CDH12: variants seen among roughly 807,000 people sequenced by gnomAD.
CDH12 encodes the protein cadherin-12.
Under a neutral mutation model 74.1 loss-of-function variants are expected in CDH12, and 41 were observed. That is an observed-to-expected ratio of 0.55 (90% confidence interval 0.43 to 0.72). The LOEUF (loss-of-function observed/expected upper bound fraction) is 0.72. Among genes scored for constraint, CDH12 ranks in the 30% least tolerant of loss-of-function variants. The pLI, the probability that CDH12 is intolerant of heterozygous loss-of-function variation, is 0.00. For synonymous variants in CDH12, 399 were observed against 355.0 expected, an observed-to-expected ratio of 1.12 and a Z score of -1.39; for missense variants, 945 against 977.2, an observed-to-expected ratio of 0.97 and a Z score of 0.44.
chr5:21,881,988 A>G (rs1286001371), intron 6 of CDH12, among the ~76,000 whole-genome samples: 1 of 152,236 alleles, frequency 6.6e-6, no homozygotes, highest in Non-Finnish European at 1.5e-5. Flanking sequence ...TTTATGATGT[A>G]TTGATTGGAA....
chr5:22,838,736 A>G lies in CDH12; in HGVS notation c.-523+14322T>C, dbSNP rs182161278. Among the ~76,000 whole-genome samples, 95 of 151,194 alleles carry G rather than the reference A, an allele frequency of 6.3e-4. 1 individual carries two copies. In the East Asian group the frequency reaches 0.015, roughly 23 times the overall value. ...TGTTGTCAGGTTGGAGTGCAGTGGC[A>G]TGATCTTGGCTCACTACAACCTCTG... On this transcript the variant is annotated intron_variant, in intron 1 of 14. Coordinates refer to ENST00000382254, the MANE Select transcript of CDH12 (RefSeq NM_004061.5).
intron 5 of CDH12, among the ~76,000 whole-genome samples, chr5:21,982,154 G>A (rs535729828): frequency 3.3e-5 from 5 of 152,162 alleles, no homozygotes; most frequent in Non-Finnish European, 7.4e-5. Flanking sequence ...AATGTGGATG[G>A]GCCTCATTCA....
At chr5:22,274,174 G>A (rs1736522409) in intron 3 of CDH12, among the ~76,000 whole-genome samples, 1 of 151,820 alleles carries the variant, frequency 6.6e-6, no homozygotes, top group East Asian at 1.9e-4. Context: ...AATATTCTAA[G>A]TATTGTGCCA....
chr5:22,153,913 TACACACACACACACAAAC>T (rs1747818132), intron 4 of CDH12, among the ~76,000 whole-genome samples: 6 of 130,304 alleles, frequency 4.6e-5, no homozygotes, highest in Non-Finnish European at 6.4e-5. Flanking sequence ...TACACACACA[TACACACACACACACAAAC>T]ATATATATGT....
intron 2 of CDH12, among the ~76,000 whole-genome samples, chr5:22,423,206 T>A (rs1206392935): frequency 4.4e-4 from 54 of 121,352 alleles, no homozygotes; most frequent in Non-Finnish European, 6.5e-4. Flanking sequence ...GTAAACACAG[T>A]AAAAAAAAAA....
intron 4 of CDH12, chr5:22,142,662 C>A: frequency 2.7e-6 from 1 of 373,818 alleles, no homozygotes; most frequent in Non-Finnish European, 5.1e-6. Context: ...TGGATGCAAT[C>A]ATAACAAAAT....
At chr5:22,467,977 T>C (rs1323326301) in intron 2 of CDH12, among the ~76,000 whole-genome samples, 3 of 152,238 alleles carry the variant, frequency 2.0e-5, no homozygotes, top group African/African-American at 7.2e-5. Context: ...TCTGATGTTC[T>C]GGGCCTCCAA....
intron 1 of CDH12, among the ~76,000 whole-genome samples, chr5:22,761,760 T>C (rs1272357383): frequency 6.6e-6 from 1 of 152,190 alleles, no homozygotes; most frequent in Non-Finnish European, 1.5e-5. Context: ...ATTATTTCTA[T>C]TGTTAAATTT....
intron 1 of CDH12, among the ~76,000 whole-genome samples, chr5:22,656,103 A>G (rs1318249839): frequency 6.6e-6 from 1 of 152,126 alleles, no homozygotes; most frequent in Non-Finnish European, 1.5e-5. Flanking sequence ...GGATTTGTAT[A>G]TATATGTGAT....
chr5:21,801,922 A>G (rs368983095), intron 10 of CDH12, among the ~76,000 whole-genome samples: 6 of 152,304 alleles, frequency 3.9e-5, no homozygotes, highest in Non-Finnish European at 1.5e-5. Flanking sequence ...CTTGAGTGAC[A>G]TGAGAATCAG....
intron 3 of CDH12, among the ~76,000 whole-genome samples, chr5:22,288,742 AT>A (rs1172194957): frequency 6.6e-6 from 1 of 152,146 alleles, no homozygotes; most frequent in African/African-American, 2.4e-5. Context: ...GACAGTAGTC[AT>A]TTTTTCCTGA....
intron 8 of CDH12, among the ~76,000 whole-genome samples, chr5:21,820,794 C>A (rs934574605): frequency 6.6e-6 from 1 of 151,932 alleles, no homozygotes; most frequent in African/African-American, 2.4e-5. Context: ...TTCAGCTATG[C>A]CAAAGTTGGA....
chr5:22,594,899 A>G (rs1736525460), intron 1 of CDH12, among the ~76,000 whole-genome samples: 1 of 152,178 alleles, frequency 6.6e-6, no homozygotes, highest in African/African-American at 2.4e-5. Context: ...TCCTTCAATT[A>G]GTGATTCATA....
chr5:22,369,084 G>T (rs1274484479), intron 3 of CDH12, among the ~76,000 whole-genome samples: 1 of 151,912 alleles, frequency 6.6e-6, no homozygotes, highest in African/African-American at 2.4e-5. Flanking sequence ...AGCTGAGAAT[G>T]CACCACTGCA....
At chr5:22,283,687 T>A (rs921185430) in intron 3 of CDH12, among the ~76,000 whole-genome samples, 2 of 152,012 alleles carry the variant, frequency 1.3e-5, no homozygotes, top group Non-Finnish European at 2.9e-5. Context: ...GATCCAGAGA[T>A]CTATTGTATA....
At chr5:22,659,732 A>G (rs1302115084) in intron 1 of CDH12, among the ~76,000 whole-genome samples, 1 of 151,944 alleles carries the variant, frequency 6.6e-6, no homozygotes. Flanking sequence ...CACACATCTG[A>G]TCCCTGTATA....
At chr5:22,341,268 G>T (rs957497221) in intron 3 of CDH12, among the ~76,000 whole-genome samples, 7 of 152,070 alleles carry the variant, frequency 4.6e-5, no homozygotes, top group African/African-American at 1.7e-4. Context: ...AGAATTCTTT[G>T]AGTCCAGGAG....
chr5:22,079,384 A>T (rs975693291), intron 4 of CDH12, among the ~76,000 whole-genome samples: 1 of 152,210 alleles, frequency 6.6e-6, no homozygotes, highest in African/African-American at 2.4e-5. Context: ...GGAGCAAAAA[A>T]TGCCAAAATT....
intron 3 of CDH12, among the ~76,000 whole-genome samples, chr5:22,345,740 G>A (rs1012346398): frequency 1.3e-5 from 2 of 152,066 alleles, no homozygotes; most frequent in African/African-American, 4.8e-5. Context: ...TCAAACGTTT[G>A]TTGAAATCAA....
Sources: gnomAD v4.1 joint callset for allele counts (sites outside exome capture counted in the v4.1 genomes callset) on GRCh38, gnomAD v4.1.1 for gene constraint, MANE v1.5 for transcripts, NCBI Gene and HGNC (gene_info 2026-07-23, HGNC 2026-07-21) for gene names.